ENPEP: variants seen among roughly 807,000 people sequenced by gnomAD.
The protein encoded by ENPEP is glutamyl aminopeptidase.
In ENPEP, 103 loss-of-function variants were observed where a neutral mutation model predicts 114.5. That is an observed-to-expected ratio of 0.90 (90% confidence interval 0.77 to 1.06). The LOEUF (loss-of-function observed/expected upper bound fraction) is 1.06. ENPEP is among the 50% of genes least tolerant of loss of function. The pLI, the probability that ENPEP is intolerant of heterozygous loss-of-function variation, is 0.00. For synonymous variants in ENPEP, 420 were observed against 422.0 expected (o/e 1.00, Z 0.06); for missense variants, 1,196 against 1,161.3 (o/e 1.03, Z -0.43).
intron 7 of ENPEP, 54 bp from the exon 8 acceptor site, chr4:110,515,323 T>C: frequency 1.4e-6 from 2 of 1,432,682 alleles, no homozygotes; most frequent in Non-Finnish European, 2.0e-6. Context: ...TAACTGATCA[T>C]TGTTCCTTAC....
rs370183374 is a variant in ENPEP at position 110,519,989 on chromosome 4, G to A, written c.1510-19G>A. ...AGCAAACATTGACTTCTAACATGCT[G>A]ATTATTTTTTACACACAGATGTACT... On this transcript the variant is annotated intron_variant, in intron 8 of 19. Transcript: ENST00000265162. 4.8e-5 allele frequency: 77 copies of A among 1,607,502 alleles called. No homozygotes were observed. The African/African-American group carries it at 8.3e-4, about 17-fold the overall frequency.
chr4:110,508,796 G>A (rs2110352776), intron 4 of ENPEP, among the ~76,000 whole-genome samples: 1 of 152,276 alleles, frequency 6.6e-6, no homozygotes, highest in Non-Finnish European at 1.5e-5. Flanking sequence ...GGGCAACAGA[G>A]CGAGACTCTG....
chr4:110,559,297 G>C (rs897779551), intron 18 of ENPEP: 3 of 175,116 alleles, frequency 1.7e-5, no homozygotes, highest in African/African-American at 7.1e-5. Flanking sequence ...TGTTCTGTTG[G>C]TAAGAATTGG....
At chr4:110,559,340 T>C (rs1365142644) in intron 18 of ENPEP, among the ~76,000 whole-genome samples, 1 of 151,310 alleles carries the variant, frequency 6.6e-6, no homozygotes, top group Non-Finnish European at 1.5e-5. Context: ...TGAGAGAGCC[T>C]GAGAAACAGT....
In ENPEP at chr4:110,558,288, A is replaced by ATG. The variant is rs1337453066; in HGVS notation, c.2643-1358_2643-1357insGT. On this transcript the variant is annotated intron_variant, in intron 18 of 19. Transcript: ENST00000265162. Reference sequence around the variant, plus strand: ...ATAAAAATTATATATATATATATATATATATAAATTTTTTTTTGAGACAAG... The same window carrying ATG: ...ATAAAAATTATATATATATATATATATGTATATAAATTTTTTTTTGAGACAAG... Among the ~76,000 whole-genome samples the ATG allele has an allele frequency of 1.8e-4, 26 of 146,960 alleles. No homozygotes were observed. The South Asian group carries it at 5.5e-3, about 31-fold the overall frequency.
At chr4:110,503,200 C>T (rs908920233) in intron 3 of ENPEP, among the ~76,000 whole-genome samples, 1 of 152,114 alleles carries the variant, frequency 6.6e-6, no homozygotes, top group Non-Finnish European at 1.5e-5. Flanking sequence ...TGATGGTTTC[C>T]AGCTTCATCC....
In ENPEP at chr4:110,551,092, TAAAAA is replaced by T. The variant is rs569706672; in HGVS notation, c.2501+1221_2501+1225del. On this transcript the variant is annotated intron_variant, in intron 17 of 19. Coordinates refer to ENST00000265162, the MANE Select transcript of ENPEP (RefSeq NM_001977.4). ...AACATAGTGAGACCTCGTATCTATT[TAAAAA>T]AAAAAAAAAAAAAAGAACTTGATCA... is the stretch of plus-strand genomic sequence containing the variant. Among the ~76,000 whole-genome samples the T allele has an allele frequency of 4.5e-3, 596 of 132,320 alleles. 4 individuals are homozygous for T. Among genetic ancestry groups the T allele is most frequent in the African/African-American group, 0.016 (569 of 36,120 alleles). The allele number at this position is 132,320 out of a possible 152,430, so 86.8% of individuals were successfully genotyped here.
intron 4 of ENPEP, among the ~76,000 whole-genome samples, chr4:110,507,665 A>G (rs1725420582): frequency 6.6e-6 from 1 of 152,228 alleles, no homozygotes; most frequent in African/African-American, 2.4e-5. Context: ...TGGAAAAAGA[A>G]ACAAGTTTTC....
intron 3 of ENPEP, among the ~76,000 whole-genome samples, chr4:110,492,812 T>C (rs1196288824): frequency 6.6e-6 from 1 of 152,226 alleles, no homozygotes; most frequent in Non-Finnish European, 1.5e-5. Flanking sequence ...TCTTTCCGTC[T>C]CATAACAAAC....
intron 17 of ENPEP, among the ~76,000 whole-genome samples, chr4:110,552,464 T>C (rs140913517): frequency 4.7e-4 from 71 of 152,300 alleles, no homozygotes; most frequent in African/African-American, 1.6e-3. Context: ...CAACTCAAGT[T>C]GAACAGTGAT....
chr4:110,549,592 G>A lies in ENPEP; in HGVS notation c.2290G>A (p.Ala764Thr). 1 of 1,613,626 alleles carries A rather than the reference G, an allele frequency of 6.2e-7. No individual in the cohort carries two copies. Among genetic ancestry groups the A allele is most frequent in the Non-Finnish European group, 8.5e-7 (1 of 1,179,682 alleles). The change falls in exon 16 of 20, where the codon GCT becomes ACT. Residue 764 changes from alanine to threonine, a missense_variant. Coordinates refer to ENST00000265162, the MANE Select transcript of ENPEP (RefSeq NM_001977.4). ...GGGAGACAGAGAAGCCTTGAACAAT[G>A]CTTCCTCGTTATTTGAGCAGTGGCT... ...KMGDREALNN[A>T]SSLFEQWLNG...
chr4:110,480,136 G>A (rs1724256000), intron 1 of ENPEP, among the ~76,000 whole-genome samples: 2 of 152,208 alleles, frequency 1.3e-5, no homozygotes, highest in Non-Finnish European at 1.5e-5. Context: ...GTGTTCCCAA[G>A]TTTGTATGTT....
intron 8 of ENPEP, 77 bp from the exon 9 acceptor site, chr4:110,519,931 G>A: frequency 1.5e-6 from 2 of 1,318,116 alleles, no homozygotes; most frequent in Non-Finnish European, 2.2e-6. Flanking sequence ...TTGAGTAGCA[G>A]GGGTTCAGTT....
intron 8 of ENPEP, among the ~76,000 whole-genome samples, chr4:110,516,784 A>G (rs566089658): frequency 1.5e-3 from 235 of 152,334 alleles, no homozygotes; most frequent in African/African-American, 5.4e-3. Context: ...ATATCAGTAT[A>G]TTTTAACCCT....
At chr4:110,548,139 GTTTTTTTTTTTTTT>G in intron 13 of ENPEP, 23 bp from the exon 14 acceptor site, 1 of 688,166 alleles carries the variant, frequency 1.5e-6, no homozygotes, top group Non-Finnish European at 1.9e-6. Flanking sequence ...TTAACTGTGA[GTTTTTTTTTTTTTT>G]TTTTTTTTTT....
At chr4:110,509,530 T>TACTG (rs1206935714) in intron 4 of ENPEP, 123 bp from the exon 5 acceptor site, 9 of 1,283,548 alleles carry the variant, frequency 7.0e-6, no homozygotes, top group Non-Finnish European at 8.4e-6. Context: ...TTACAGTTCT[T>TACTG]TACTCTAAGA....
chr4:110,476,760 A>T lies in ENPEP; in HGVS notation c.346A>T (p.Thr116Ser). The T allele has an allele frequency of 6.2e-7, 1 of 1,614,158 alleles. No homozygotes were observed. The part of the protein sequence containing the change: ...VKPLLEEDTY[T>S]GTVSISINLS... The stretch of plus-strand genomic sequence containing the variant: ...GCCCCTGTTGGAGGAGGACACCTAC[A>T]CGGGCACCGTGAGCATCTCCATCAA... Residue 116 changes from threonine to serine, a missense_variant, in exon 1 of 20, where the codon ACG becomes TCG. Coordinates refer to ENST00000265162, the MANE Select transcript of ENPEP (RefSeq NM_001977.4).
intron 11 of ENPEP, among the ~76,000 whole-genome samples, chr4:110,541,666 A>G (rs1241607296): frequency 6.6e-6 from 1 of 152,120 alleles, no homozygotes; most frequent in South Asian, 2.1e-4. Flanking sequence ...CCCTCTCATA[A>G]GATGGATTCT....
At chr4:110,520,108 G>T (rs1257597158) in intron 9 of ENPEP, 35 bp downstream of exon 9, 3 of 1,606,018 alleles carry the variant, frequency 1.9e-6, no homozygotes, top group South Asian at 1.1e-5. Flanking sequence ...ATATTTCTTT[G>T]TCTGATTTAC....
Sources: gnomAD v4.1 joint callset for allele counts (sites outside exome capture counted in the v4.1 genomes callset) on GRCh38, gnomAD v4.1.1 for gene constraint, MANE v1.5 for transcripts, NCBI Gene and HGNC (gene_info 2026-07-23, HGNC 2026-07-21) for gene names.